CDH7: variants seen among roughly 807,000 people sequenced by gnomAD.
CDH7 encodes the protein cadherin-7.
CDH7 carries 25 observed loss-of-function variants against 71.8 expected under a neutral mutation model. That is an observed-to-expected ratio of 0.35 (90% CI 0.25 to 0.49). The LOEUF is 0.49. Among genes scored for constraint, CDH7 ranks in the 20% least tolerant of loss-of-function variants. The pLI is 0.99. For missense variants in CDH7, 862 were observed against 974.6 expected (o/e 0.88, Z 1.54); for synonymous variants, 381 against 363.8 (o/e 1.05, Z -0.54).
chr18:65,813,341 A>C (rs1911609697), intron 3 of CDH7, among the ~76,000 whole-genome samples: 1 of 152,188 alleles, frequency 6.6e-6, no homozygotes, highest in African/African-American at 2.4e-5. Flanking sequence ...TGAAAATATA[A>C]AATAAAATAA....
At chr18:65,778,292 A>C (rs1250005660) in intron 2 of CDH7, among the ~76,000 whole-genome samples, 1 of 150,956 alleles carries the variant, frequency 6.6e-6, no homozygotes, top group Admixed American at 6.6e-5. Context: ...AAAAAAAAAA[A>C]AAAAAAAAAC....
chr18:65,831,932 C>T (rs942608097), intron 6 of CDH7, among the ~76,000 whole-genome samples: 1 of 152,004 alleles, frequency 6.6e-6, no homozygotes. Context: ...TGGTTGGTCT[C>T]CCAGTCCCTT....
rs1872331 is a variant in CDH7, at chr18:65,888,858, T to A, written c.*7964T>A. On this transcript the variant is annotated 3_prime_UTR_variant, in exon 12 of 12. Coordinates refer to ENST00000397968, the MANE Select transcript of CDH7 (RefSeq NM_004361.5). The stretch of plus-strand genomic sequence containing the variant: ...GCCCTTTATCTTTTTATTAAGACTG[T>A]CAATAAATGATGGTTTGGTTTAAGA... 0.55 allele frequency: 84,001 copies of A among 151,962 alleles called. 24,775 individuals carry two copies. The highest frequency in any genetic ancestry group is 0.7 in the East Asian group (3,582 of 5,152). The allele number at this position is 151,962 out of a possible 1,614,324, so 9.4% of individuals were successfully genotyped here. A position where few individuals can be genotyped will look rare whatever the true frequency, so the allele number is the denominator to read the frequency against.
intron 2 of CDH7, among the ~76,000 whole-genome samples, chr18:65,796,068 C>T (rs1203388805): frequency 4.6e-5 from 7 of 152,080 alleles, no homozygotes; most frequent in South Asian, 2.1e-4. Context: ...TACCCAGTCT[C>T]GGGTATTTCT....
At chr18:65,841,944 T>G (rs1912748450) in intron 6 of CDH7, among the ~76,000 whole-genome samples, 1 of 152,196 alleles carries the variant, frequency 6.6e-6, no homozygotes, top group African/African-American at 2.4e-5. Context: ...TAATACAATG[T>G]TGTCATGGCA....
At chr18:65,780,678 A>G (rs1910147208) in intron 2 of CDH7, among the ~76,000 whole-genome samples, 1 of 150,746 alleles carries the variant, frequency 6.6e-6, no homozygotes, top group African/African-American at 2.5e-5. Flanking sequence ...CTGTTTTGGT[A>G]CCAGTACCAT....
chr18:65,755,420 A>G (rs1916003871), intron 1 of CDH7, among the ~76,000 whole-genome samples: 1 of 152,240 alleles, frequency 6.6e-6, no homozygotes, highest in African/African-American at 2.4e-5. Context: ...GAAGATTTTA[A>G]AATGTTTTTC....
chr18:65,859,648 C>A, intron 9 of CDH7, 60 bp from the exon 10 acceptor site: 1 of 1,001,600 alleles, frequency 1.0e-6, no homozygotes, highest in Non-Finnish European at 1.6e-6. Flanking sequence ...TTTGTCCTGC[C>A]ACAGAAAACT....
intron 6 of CDH7, among the ~76,000 whole-genome samples, chr18:65,828,966 T>C (rs971867008): frequency 6.6e-6 from 1 of 152,152 alleles, no homozygotes; most frequent in Non-Finnish European, 1.5e-5. Flanking sequence ...TTGCTTTCAG[T>C]TTTCTAATGT....
At chr18:65,849,248 G>A (rs1033180130) in intron 7 of CDH7, among the ~76,000 whole-genome samples, 5 of 151,990 alleles carry the variant, frequency 3.3e-5, no homozygotes, top group African/African-American at 9.7e-5. Flanking sequence ...AAAACATAGC[G>A]TGTTTTCATT....
chr18:65,790,520 C>G (rs978389414), intron 2 of CDH7, among the ~76,000 whole-genome samples: 1 of 152,066 alleles, frequency 6.6e-6, no homozygotes, highest in African/African-American at 2.4e-5. Flanking sequence ...GTCAGGAATA[C>G]TATTTTAAAA....
At chr18:65,843,060 C>G (rs1341498689) in intron 6 of CDH7, among the ~76,000 whole-genome samples, 1 of 152,104 alleles carries the variant, frequency 6.6e-6, no homozygotes, top group African/African-American at 2.4e-5. Context: ...AGATGGTGCT[C>G]TGCTACTGCA....
At chr18:65,799,273 G>A (rs1353466453) in intron 2 of CDH7, among the ~76,000 whole-genome samples, 1 of 152,078 alleles carries the variant, frequency 6.6e-6, no homozygotes, top group Non-Finnish European at 1.5e-5. Flanking sequence ...CTTGGTGCCA[G>A]GAGTCCCAAG....
chr18:65,858,398 G>A (rs1240417877), intron 8 of CDH7, among the ~76,000 whole-genome samples: 2 of 151,756 alleles, frequency 1.3e-5, no homozygotes, highest in Non-Finnish European at 2.9e-5. Context: ...ATGCATATTT[G>A]CATGCATATA....
chr18:65,767,073 G>A (rs1916398133), intron 2 of CDH7, among the ~76,000 whole-genome samples: 1 of 147,226 alleles, frequency 6.8e-6, no homozygotes, highest in African/African-American at 2.5e-5. Context: ...TTCCCTAGCT[G>A]TTAACATCAC....
Position 65,822,060 on chromosome 18 carries a change from C to T in CDH7, c.626-21C>T, listed in dbSNP as rs1394197916. On this transcript the variant is annotated intron_variant, in intron 4 of 11. Coordinates refer to ENST00000397968, the MANE Select transcript of CDH7 (RefSeq NM_004361.5). The stretch of plus-strand genomic sequence containing the variant: ...ATGCAGTGATTCATGATGAGTTTTA[C>T]TGGGATTTGAAATTTTACAGGAGTC... The T allele has an allele frequency of 2.5e-6, 4 of 1,596,922 alleles. 1 individual carries two copies. The South Asian group carries it at 4.4e-5, about 18-fold the overall frequency.
At chr18:65,812,737 G>A (rs1911588123) in intron 3 of CDH7, among the ~76,000 whole-genome samples, 1 of 152,062 alleles carries the variant, frequency 6.6e-6, no homozygotes, top group African/African-American at 2.4e-5. Context: ...ATGAGATAAT[G>A]AACTTTTCAG....
intron 11 of CDH7, among the ~76,000 whole-genome samples, chr18:65,869,190 T>A (rs1913852596): frequency 6.7e-6 from 1 of 150,262 alleles, no homozygotes. Context: ...TTTGTTTCTG[T>A]CTCTTATTGT....
intron 2 of CDH7, among the ~76,000 whole-genome samples, chr18:65,780,382 G>A (rs1163894540): frequency 1.6e-5 from 2 of 125,296 alleles, no homozygotes; most frequent in Admixed American, 1.5e-4. Context: ...CCTTGCCCAC[G>A]CCTATGTCCT....
Sources: allele counts gnomAD v4.1 joint callset (sites outside exome capture counted in the v4.1 genomes callset), GRCh38; gene constraint gnomAD v4.1.1; transcripts MANE v1.5; gene names NCBI Gene and HGNC (gene_info 2026-07-23, HGNC 2026-07-21).